Variants in DCC observed in about 807,000 individuals in gnomAD.
The protein encoded by DCC is netrin receptor DCC.
A neutral mutation model predicts 172.5 loss-of-function variants in DCC; 58 were observed. The ratio of observed to expected loss-of-function variants is 0.34; its 90% CI spans 0.27 to 0.42. The LOEUF is 0.42. Among genes scored for constraint, DCC ranks in the 10% least tolerant of loss-of-function variants. The pLI is 1.00. For missense variants in DCC, 1,740 were observed against 1,791.0 expected, an observed-to-expected ratio of 0.97 and a Z score of 0.51; for synonymous variants, 709 against 644.5, an observed-to-expected ratio of 1.10 and a Z score of -1.52.
chr18:53,427,314 G>A (rs1009124312), intron 21 of DCC, among the ~76,000 whole-genome samples: 4 of 152,098 alleles, frequency 2.6e-5, no homozygotes, highest in Non-Finnish European at 1.5e-5. Context: ...CTAGAGGCAA[G>A]TGTGCATAAA....
At chr18:53,065,970 G>T (rs1849437283) in intron 6 of DCC, 76 bp from the exon 7 acceptor site, 3 of 1,567,536 alleles carry the variant, frequency 1.9e-6, no homozygotes, top group African/African-American at 2.7e-5. Flanking sequence ...TCAAACTTTG[G>T]TCTCATCTAA....
At chr18:52,717,639 G>T (rs1264128762) in intron 1 of DCC, among the ~76,000 whole-genome samples, 4 of 152,006 alleles carry the variant, frequency 2.6e-5, no homozygotes, top group African/African-American at 9.7e-5. Flanking sequence ...ACCTTTATAT[G>T]TAATGGACAA....
intron 1 of DCC, among the ~76,000 whole-genome samples, chr18:52,579,651 G>A (rs1598928679): frequency 6.6e-6 from 1 of 152,302 alleles, no homozygotes. Context: ...TAAGAGCATA[G>A]TTTGAACTTG....
chr18:52,678,357 C>T (rs2035682963), intron 1 of DCC, among the ~76,000 whole-genome samples: 1 of 152,116 alleles, frequency 6.6e-6, no homozygotes, highest in African/African-American at 2.4e-5. Flanking sequence ...AGTATTAAAG[C>T]TCCTGAGCCC....
At chr18:53,039,552 C>T (rs1313684092) in intron 5 of DCC, among the ~76,000 whole-genome samples, 1 of 151,884 alleles carries the variant, frequency 6.6e-6, no homozygotes, top group African/African-American at 2.4e-5. Flanking sequence ...GAGCTGAGGT[C>T]CCAAACCACC....
At chr18:53,135,641 C>T (rs1314723929) in intron 7 of DCC, among the ~76,000 whole-genome samples, 1 of 152,100 alleles carries the variant, frequency 6.6e-6, no homozygotes, top group South Asian at 2.1e-4. Context: ...CTTTGTCTTT[C>T]CCCCAACCCA....
At chr18:53,384,137 A>G (rs1033418602) in intron 15 of DCC, among the ~76,000 whole-genome samples, 4 of 152,054 alleles carry the variant, frequency 2.6e-5, no homozygotes, top group African/African-American at 9.7e-5. Flanking sequence ...CCTAAAGCTC[A>G]TTTACTAGTA....
intron 1 of DCC, among the ~76,000 whole-genome samples, chr18:52,552,910 AT>A (rs1183106750): frequency 3.3e-5 from 5 of 152,130 alleles, no homozygotes; most frequent in African/African-American, 1.2e-4. Context: ...ACACCAAAAA[AT>A]ATTTTAAACA....
chr18:52,739,097 G>A (rs1004659065), intron 1 of DCC, among the ~76,000 whole-genome samples: 3 of 151,698 alleles, frequency 2.0e-5, no homozygotes, highest in Middle Eastern at 3.4e-3. Flanking sequence ...AATATGTTGC[G>A]CTACTACATT....
rs376096451 is a variant in DCC at position 52,893,254 on chromosome 18, G to C, written c.413-12790G>C. On this transcript the variant is annotated intron_variant, in intron 2 of 28. Coordinates refer to ENST00000442544, the MANE Select transcript of DCC (RefSeq NM_005215.4). ...AAAAAATCACTTATATTGAGAAGAGGGTAGTCCTATGAAACAAATGTAGAG... is the reference window on the plus strand; with the variant it reads ...AAAAAATCACTTATATTGAGAAGAGCGTAGTCCTATGAAACAAATGTAGAG... Among the ~76,000 whole-genome samples, 23 of 152,130 alleles carry C rather than the reference G, an allele frequency of 1.5e-4. No homozygotes were observed. The East Asian group carries it at 2.5e-3, about 17-fold the overall frequency.
At chr18:52,347,076 C>T (rs759050781) in intron 1 of DCC, among the ~76,000 whole-genome samples, 5 of 152,256 alleles carry the variant, frequency 3.3e-5, no homozygotes, top group South Asian at 2.1e-4. Context: ...CTAGGACAAA[C>T]ATGTTCCACT....
intron 5 of DCC, among the ~76,000 whole-genome samples, chr18:52,934,494 A>T (rs535078214): frequency 6.6e-6 from 1 of 151,920 alleles, no homozygotes; most frequent in South Asian, 2.1e-4. Context: ...TATCTATGTT[A>T]TCTGAGTTTT....
chr18:53,226,901 G>C (rs936289020), intron 12 of DCC, among the ~76,000 whole-genome samples: 7 of 139,990 alleles, frequency 5.0e-5, no homozygotes, highest in South Asian at 2.2e-4. Context: ...ATAGATGTCA[G>C]ATAATAGTGT....
At chr18:53,379,609 C>T (rs1907568104) in intron 15 of DCC, among the ~76,000 whole-genome samples, 1 of 152,136 alleles carries the variant, frequency 6.6e-6, no homozygotes, top group African/African-American at 2.4e-5. Flanking sequence ...AAGGAGAACC[C>T]AGGCTTTTCC....
At chr18:53,305,463 G>C in intron 12 of DCC, 115 bp from the exon 13 acceptor site, 1 of 837,670 alleles carries the variant, frequency 1.2e-6, no homozygotes, top group Non-Finnish European at 2.0e-6. Flanking sequence ...AGTGGCAATC[G>C]CTAACACTTC....
intron 17 of DCC, among the ~76,000 whole-genome samples, chr18:53,392,331 G>A (rs919728903): frequency 8.4e-6 from 1 of 119,140 alleles, no homozygotes. Context: ...ATAAGTTGAA[G>A]ATATTTTTTT....
At chr18:52,462,406 C>T (rs1274514591) in intron 1 of DCC, among the ~76,000 whole-genome samples, 1 of 152,140 alleles carries the variant, frequency 6.6e-6, no homozygotes, top group Non-Finnish European at 1.5e-5. Context: ...CAGCCCACAT[C>T]CTGTAATTCT....
intron 1 of DCC, among the ~76,000 whole-genome samples, chr18:52,495,497 C>A (rs2030707175): frequency 6.6e-6 from 1 of 152,128 alleles, no homozygotes; most frequent in Non-Finnish European, 1.5e-5. Context: ...GAAATCTTCA[C>A]CCCTTAGTTC....
At chr18:53,328,782 G>A (rs1229884387) in intron 14 of DCC, among the ~76,000 whole-genome samples, 4 of 152,064 alleles carry the variant, frequency 2.6e-5, no homozygotes, top group Non-Finnish European at 5.9e-5. Flanking sequence ...TGATCTGCCT[G>A]CCTCTTGAAC....
Sources: gnomAD v4.1 joint callset for allele counts (sites outside exome capture counted in the v4.1 genomes callset) on GRCh38, gnomAD v4.1.1 for gene constraint, MANE v1.5 for transcripts, NCBI Gene and HGNC (gene_info 2026-07-23, HGNC 2026-07-21) for gene names.